The following TEX26 variants were observed in gnomAD, a reference collection of about 807,000 sequenced individuals.
The protein encoded by TEX26 is testis expressed 26, also known as testis-expressed protein 26.
TEX26 carries 34 observed loss-of-function variants against 35.3 expected under a neutral mutation model. That is an observed-to-expected ratio of 0.96 (90% confidence interval 0.73 to 1.28). TEX26 has a LOEUF of 1.28. Ranked by LOEUF, TEX26 falls within the 50% of genes most tolerant of loss-of-function variation. TEX26 has a pLI of 0.00. For synonymous variants in TEX26, 136 were observed against 111.8 expected (o/e 1.22, Z -1.36); for missense variants, 371 against 330.1 (o/e 1.12, Z -0.96).
chr13:30,954,891 G>A (rs1304180364), intron 3 of TEX26, among the ~76,000 whole-genome samples: 1 of 152,144 alleles, frequency 6.6e-6, no homozygotes, highest in African/African-American at 2.4e-5. Context: ...TACTATTGAA[G>A]GCTCTCAACC....
intron 6 of TEX26, among the ~76,000 whole-genome samples, chr13:30,974,425 G>C (rs1395029461): frequency 6.6e-6 from 1 of 152,026 alleles, no homozygotes; most frequent in African/African-American, 2.4e-5. Context: ...TATTGTTTTT[G>C]ATGGGCCAGG....
At chr13:30,970,165 G>T (rs1954666893) in intron 6 of TEX26, among the ~76,000 whole-genome samples, 1 of 82,390 alleles carries the variant, frequency 1.2e-5, no homozygotes, top group South Asian at 5.2e-4. Flanking sequence ...AAGGGTGTGT[G>T]TGAGTGTGTG....
chr13:30,952,565 TA>T (rs1027506321), intron 2 of TEX26, 94 bp from the exon 3 acceptor site: 3 of 1,086,626 alleles, frequency 2.8e-6, no homozygotes, highest in South Asian at 1.9e-5. Flanking sequence ...TCAATCTTTT[TA>T]AAAAATGTAA....
intron 2 of TEX26, among the ~76,000 whole-genome samples, chr13:30,948,222 C>T (rs4943792): frequency 0.22 from 32,892 of 152,054 alleles, 3,722 homozygotes; most frequent in East Asian, 0.44. Context: ...GTCTTTATAG[C>T]AGCATGATTT....
intron 3 of TEX26, among the ~76,000 whole-genome samples, chr13:30,955,158 T>C (rs1414105083): frequency 6.6e-6 from 1 of 152,214 alleles, no homozygotes; most frequent in Non-Finnish European, 1.5e-5. Context: ...CTAACACTAA[T>C]GATAGCTGAT....
At chr13:30,950,678 A>ACATTAGCTATACC (rs1404392169) in intron 2 of TEX26, among the ~76,000 whole-genome samples, 1 of 152,138 alleles carries the variant, frequency 6.6e-6, no homozygotes, top group African/African-American at 2.4e-5. Flanking sequence ...GAGCCTCCCC[A>ACATTAGCTATACC]CACATACCTA....
intron 1 of TEX26, among the ~76,000 whole-genome samples, chr13:30,938,979 A>G (rs1414010009): frequency 6.6e-6 from 1 of 152,230 alleles, no homozygotes; most frequent in Non-Finnish European, 1.5e-5. Context: ...AATTTTGCAC[A>G]ACCATTACAA....
chr13:30,934,525 T>C (rs1362359252), intron 1 of TEX26, among the ~76,000 whole-genome samples: 2 of 152,222 alleles, frequency 1.3e-5, no homozygotes, highest in African/African-American at 2.4e-5. Context: ...GTCGAGAGCC[T>C]GAAATCAAGG....
intron 1 of TEX26, among the ~76,000 whole-genome samples, chr13:30,937,706 T>G (rs547670482): frequency 2.0e-5 from 3 of 152,134 alleles, no homozygotes; most frequent in Non-Finnish European, 4.4e-5. Context: ...ACACTAGGAG[T>G]GCATAGAAGC....
intron 2 of TEX26, among the ~76,000 whole-genome samples, chr13:30,950,407 A>G (rs1361040001): frequency 6.6e-6 from 1 of 152,146 alleles, no homozygotes; most frequent in Non-Finnish European, 1.5e-5. Context: ...GATTCTGGTT[A>G]TATTTAAAGT....
At position 30,938,992 on chromosome 13, in the gene TEX26, C is replaced by A. The variant is rs564012948; in HGVS notation, c.62-702C>A. Among the ~76,000 whole-genome samples, 137 of 152,200 alleles carry A rather than the reference C, an allele frequency of 9.0e-4. 13 individuals carry two copies. Among genetic ancestry groups the A allele is most frequent in the Non-Finnish European group, 2.9e-5 (2 of 68,036 alleles). On this transcript the variant is annotated intron_variant, in intron 1 of 6. Transcript: ENST00000380473. ...AGAATTTTGCACAACCATTACAAGA[C>A]ATGAATTAGAACTACGCCAGATGAC...
rs148983461 is a variant in TEX26 at position 30,967,601 on chromosome 13, A to G, written c.646+1203A>G. Among the ~76,000 whole-genome samples, 44 of 152,256 alleles carry G rather than the reference A, an allele frequency of 2.9e-4. 1 individual carries two copies. Among genetic ancestry groups the G allele is most frequent in the Middle Eastern group, 6.8e-3 (2 of 294 alleles). On this transcript the variant is annotated intron_variant, in intron 5 of 6. Coordinates refer to ENST00000380473, the MANE Select transcript of TEX26 (RefSeq NM_152325.3). ...TCCAGGCCCTACAAACACTCTTCTCAGGGTGCAGTGTCAAATCCTCTCACC... is the reference window on the plus strand; with the variant it reads ...TCCAGGCCCTACAAACACTCTTCTCGGGGTGCAGTGTCAAATCCTCTCACC...
chr13:30,966,767 T>C (rs1466876895), intron 5 of TEX26, among the ~76,000 whole-genome samples: 1 of 152,124 alleles, frequency 6.6e-6, no homozygotes, highest in Admixed American at 6.6e-5. Context: ...TAAAACAACC[T>C]CATAGATCTT....
chr13:30,941,809 T>C lies in TEX26; in HGVS notation c.146+2031T>C, dbSNP rs117292663. On this transcript the variant is annotated intron_variant, in intron 2 of 6. Transcript: ENST00000380473. ...CTTAGAATAATGGCCTCCAGCTCCA[T>C]CCAAGTTGCTGCGAAAGACATTATT... 1.7e-3 allele frequency among the ~76,000 whole-genome samples: 262 copies of C among 152,274 alleles called. 2 individuals are homozygous for C. The highest frequency in any genetic ancestry group is 3.2e-4 in the Non-Finnish European group (22 of 68,010).
chr13:30,957,629 G>A (rs940233554), intron 4 of TEX26, among the ~76,000 whole-genome samples: 2 of 152,190 alleles, frequency 1.3e-5, no homozygotes, highest in Non-Finnish European at 2.9e-5. Flanking sequence ...GAGGCTGTTA[G>A]GGGAGCGCAG....
intron 1 of TEX26, among the ~76,000 whole-genome samples, chr13:30,934,430 T>C (rs1953190216): frequency 6.6e-6 from 1 of 152,098 alleles, no homozygotes; most frequent in South Asian, 2.1e-4. Flanking sequence ...CTCTCAGGTG[T>C]TGTATTAGTT....
intron 2 of TEX26, among the ~76,000 whole-genome samples, chr13:30,942,591 G>A (rs1267310948): frequency 1.3e-5 from 2 of 151,944 alleles, no homozygotes; most frequent in Admixed American, 6.6e-5. Flanking sequence ...ATTTGCCTAG[G>A]CCAATGTCCA....
intron 2 of TEX26, among the ~76,000 whole-genome samples, chr13:30,949,310 A>G (rs928191404): frequency 1.3e-5 from 2 of 152,182 alleles, no homozygotes; most frequent in Admixed American, 6.5e-5. Flanking sequence ...GGCTTTTATC[A>G]TATTTTGAAT....
chr13:30,938,900 G>C (rs1953372534), intron 1 of TEX26, among the ~76,000 whole-genome samples: 1 of 152,112 alleles, frequency 6.6e-6, no homozygotes, highest in East Asian at 1.9e-4. Context: ...TGGAACTTCT[G>C]CTCCAAGTCT....
Sources: allele counts gnomAD v4.1 joint callset (sites outside exome capture counted in the v4.1 genomes callset), GRCh38; gene constraint gnomAD v4.1.1; transcripts MANE v1.5; gene names NCBI Gene and HGNC (gene_info 2026-07-23, HGNC 2026-07-21).